GCNT1: variants seen among roughly 807,000 people sequenced by gnomAD.
The protein encoded by GCNT1 is glucosaminyl (N-acetyl) transferase 1, also known as beta-1,3-galactosyl-O-glycosyl-glycoprotein beta-1,6-N-acetylglucosaminyltransferase.
Under a neutral mutation model 26.2 loss-of-function variants are expected in GCNT1, and 16 were observed. The observed-to-expected ratio is 0.61, with a 90% CI of 0.41 to 0.93. The LOEUF (loss-of-function observed/expected upper bound fraction) is 0.93. Among genes scored for constraint, GCNT1 ranks in the 40% least tolerant of loss-of-function variants. The probability of loss-of-function intolerance (pLI) is 0.00; values close to 1 mark genes in which losing one functional copy is unlikely to be tolerated. For synonymous variants in GCNT1, 183 were observed against 190.8 expected, an observed-to-expected ratio of 0.96 and a Z score of 0.34; for missense variants, 477 against 526.7, an observed-to-expected ratio of 0.91 and a Z score of 0.92.
At chr9:76,419,047 T>G (rs535007669), upstream of GCNT1, among the ~76,000 whole-genome samples, 1 of 152,280 alleles carries the variant, frequency 6.6e-6, no homozygotes, top group South Asian at 2.1e-4. Context: ...CGAGGCTGCT[T>G]CTTTTAGTTC....
intron 1 of GCNT1, among the ~76,000 whole-genome samples, chr9:76,422,765 C>T (rs1304003910): frequency 2.6e-5 from 4 of 152,200 alleles, no homozygotes; most frequent in Non-Finnish European, 5.9e-5. Flanking sequence ...GTTGCCCAGG[C>T]TGGTCTCAAA....
chr9:76,494,198 T>C (rs1247074373), intron 2 of GCNT1, among the ~76,000 whole-genome samples: 1 of 152,114 alleles, frequency 6.6e-6, no homozygotes, highest in Non-Finnish European at 1.5e-5. Context: ...AAGGTCAGAT[T>C]TAGTGGCCCT....
chr9:76,455,051 T>C (rs962354499), upstream of GCNT1, among the ~76,000 whole-genome samples: 1 of 152,108 alleles, frequency 6.6e-6, no homozygotes, highest in Admixed American at 6.5e-5. Context: ...TTTCACCATG[T>C]TGGTCAGGCT....
the GCNT1 span, among the ~76,000 whole-genome samples, chr9:76,395,152 C>T: frequency 6.6e-6 from 1 of 152,148 alleles, no homozygotes; most frequent in African/African-American, 2.4e-5. Context: ...GGCCTTCGTA[C>T]CCTCGGAACT....
chr9:76,413,107 G>A, the GCNT1 span, among the ~76,000 whole-genome samples: 1 of 152,230 alleles, frequency 6.6e-6, no homozygotes, highest in African/African-American at 2.4e-5. Context: ...GGATCTGAAA[G>A]TAATATACTG....
At chr9:76,400,460 G>A in the GCNT1 span, among the ~76,000 whole-genome samples, 1 of 152,178 alleles carries the variant, frequency 6.6e-6, no homozygotes, top group African/African-American at 2.4e-5. Context: ...GCTTTTTCGT[G>A]CTGCTATAAC....
In GCNT1 at chr9:76,503,347, C is replaced by A; in HGVS notation, c.966C>A (p.Leu322=). The change falls in exon 4 of 4, where the codon CTC becomes CTA. Residue 322 remains leucine, a synonymous_variant. Coordinates refer to ENST00000376730, the MANE Select transcript of GCNT1 (RefSeq NM_001490.5). ...AQDTYSPDEY[L]WATIQRIPEV... is the part of the protein sequence containing the mutation. ...ACACATACAGCCCTGATGAGTATCT[C>A]TGGGCCACCATCCAAAGGATTCCTG... 1 of 1,614,168 alleles carries A rather than the reference C, an allele frequency of 6.2e-7. No homozygotes were observed. Among genetic ancestry groups the A allele is most frequent in the Non-Finnish European group, 8.5e-7 (1 of 1,180,038 alleles).
chr9:76,408,151 G>A, the GCNT1 span, among the ~76,000 whole-genome samples: 38 of 152,152 alleles, frequency 2.5e-4, no homozygotes, highest in Non-Finnish European at 4.3e-4. Context: ...CATTAGTTAG[G>A]ACTTCCAAGT....
chr9:76,398,701 G>A, the GCNT1 span: 4 of 1,267,390 alleles, frequency 3.2e-6, no homozygotes, highest in East Asian at 2.4e-5. Flanking sequence ...CTTTCACAAT[G>A]TCCGGAGCCC....
At chr9:76,432,487 G>A (rs749309828) in intron 1 of GCNT1, among the ~76,000 whole-genome samples, 20 of 151,412 alleles carry the variant, frequency 1.3e-4, no homozygotes, top group South Asian at 2.1e-4. Context: ...CTACAGGCAC[G>A]CAGCACCATG....
At chr9:76,441,282 A>T (rs1823480870), upstream of GCNT1, among the ~76,000 whole-genome samples, 1 of 152,022 alleles carries the variant, frequency 6.6e-6, no homozygotes. Flanking sequence ...AGTAGCTGAG[A>T]CTACAGGTGC....
intron 2 of GCNT1, among the ~76,000 whole-genome samples, chr9:76,468,787 C>A (rs929755092): frequency 2.1e-4 from 32 of 152,184 alleles, no homozygotes; most frequent in African/African-American, 7.7e-4. Context: ...ATGTGAGGTT[C>A]TTACAGTGAA....
At chr9:76,485,983 C>T (rs923303175) in intron 2 of GCNT1, among the ~76,000 whole-genome samples, 34 of 152,354 alleles carry the variant, frequency 2.2e-4, no homozygotes, top group African/African-American at 7.9e-4. Context: ...CTGCCTGCCT[C>T]GGCCTCCCAA....
upstream of GCNT1, among the ~76,000 whole-genome samples, chr9:76,456,190 G>C (rs373511601): frequency 2.2e-4 from 34 of 152,326 alleles, no homozygotes; most frequent in South Asian, 4.6e-3. Flanking sequence ...AGGGGTGCTT[G>C]AGGAGAGGGA....
intron 1 of GCNT1, among the ~76,000 whole-genome samples, chr9:76,452,553 G>A (rs956284591): frequency 6.6e-6 from 1 of 152,088 alleles, no homozygotes; most frequent in Non-Finnish European, 1.5e-5. Context: ...CAATCATGAT[G>A]CAAGTTGAAG....
In GCNT1 at chr9:76,462,580, G is replaced by A. The variant is rs147414479; in HGVS notation, c.-290+2403G>A. On this transcript the variant is annotated intron_variant, in intron 2 of 3. Coordinates refer to ENST00000376730, the MANE Select transcript of GCNT1 (RefSeq NM_001490.5). ...CTCCAGACATAGGCAAATGTTCCCC[G>A]GAGAACAAAGTCATCTTTGGTTGAG... Among the ~76,000 whole-genome samples the A allele has an allele frequency of 2.7e-4, 41 of 152,232 alleles. No individual in the cohort carries two copies. In the East Asian group the frequency reaches 6.8e-3, roughly 25 times the overall value.
intron 2 of GCNT1, among the ~76,000 whole-genome samples, chr9:76,489,315 G>T (rs1287797495): frequency 6.6e-6 from 1 of 152,184 alleles, no homozygotes; most frequent in Non-Finnish European, 1.5e-5. Flanking sequence ...CCTTCTGGAG[G>T]GTTCTTGGTC....
chr9:76,466,131 G>T (rs1823988396), intron 2 of GCNT1, among the ~76,000 whole-genome samples: 1 of 152,036 alleles, frequency 6.6e-6, no homozygotes, highest in African/African-American at 2.4e-5. Context: ...AAAGAAAAGG[G>T]CTGGACCCGT....
At position 76,503,735 on chromosome 9, in the gene GCNT1, C is replaced by A. The variant is rs1825159645; in HGVS notation, c.*67C>A. On this transcript the variant is annotated 3_prime_UTR_variant, in exon 4 of 4. Transcript: ENST00000376730. ...AACGTACCCTTATCTGTTTCCCCTT[C>A]CTTGTCAGCATCGGGAAGATGGTAT... 1.2e-5 allele frequency: 16 copies of A among 1,303,078 alleles called. No individual in the cohort carries two copies. Among genetic ancestry groups the A allele is most frequent in the Non-Finnish European group, 1.8e-5 (16 of 906,620 alleles). The allele number at this position is 1,303,078 out of a possible 1,614,324, so 80.7% of individuals were successfully genotyped here.
Sources: allele counts gnomAD v4.1 joint callset (sites outside exome capture counted in the v4.1 genomes callset), GRCh38; gene constraint gnomAD v4.1.1; transcripts MANE v1.5; gene names NCBI Gene and HGNC (gene_info 2026-07-23, HGNC 2026-07-21).